Variants in AGBL1 observed in about 807,000 individuals in gnomAD.
The protein encoded by AGBL1 is AGBL carboxypeptidase 1, also known as cytosolic carboxypeptidase 4.
A neutral mutation model predicts 118.9 loss-of-function variants in AGBL1; 130 were observed. The ratio of observed to expected loss-of-function variants is 1.09; its 90% CI spans 0.95 to 1.26. The LOEUF is 1.26. Ranked by LOEUF, AGBL1 falls within the 50% of genes most tolerant of loss-of-function variation. The pLI, the probability that AGBL1 is intolerant of heterozygous loss-of-function variation, is 0.00. For synonymous variants in AGBL1, 555 were observed against 478.9 expected, an observed-to-expected ratio of 1.16 and a Z score of -2.08; for missense variants, 1,584 against 1,298.1, an observed-to-expected ratio of 1.22 and a Z score of -3.38.
At chr15:86,375,257 C>G (rs551771372) in intron 17 of AGBL1, among the ~76,000 whole-genome samples, 2 of 152,294 alleles carry the variant, frequency 1.3e-5, no homozygotes, top group East Asian at 3.9e-4. Flanking sequence ...GGCAAGGCCT[C>G]AGGACACTTA....
At chr15:86,817,539 A>T (rs1478847523) in intron 22 of AGBL1, among the ~76,000 whole-genome samples, 1 of 145,576 alleles carries the variant, frequency 6.9e-6, no homozygotes, top group Non-Finnish European at 1.5e-5. Flanking sequence ...ACACACACAC[A>T]CACACAGACA....
At chr15:86,124,222 C>A (rs1898267164) in intron 1 of AGBL1, among the ~76,000 whole-genome samples, 1 of 150,768 alleles carries the variant, frequency 6.6e-6, no homozygotes, top group African/African-American at 2.4e-5. Flanking sequence ...CCCAGCTACT[C>A]AGGAGGCTGA....
intron 17 of AGBL1, among the ~76,000 whole-genome samples, chr15:86,372,306 T>G (rs967238998): frequency 6.6e-6 from 1 of 152,172 alleles, no homozygotes; most frequent in African/African-American, 2.4e-5. Context: ...TTGTTTCCCC[T>G]TCTTTCCCTC....
chr15:86,748,798 A>T (rs1032397554), intron 22 of AGBL1, among the ~76,000 whole-genome samples: 7 of 151,784 alleles, frequency 4.6e-5, no homozygotes, highest in African/African-American at 1.4e-4. Context: ...TTTGTCAGGT[A>T]TGTCAAAGAT....
chr15:86,888,049 T>C (rs1003026561), intron 22 of AGBL1, among the ~76,000 whole-genome samples: 2 of 151,986 alleles, frequency 1.3e-5, no homozygotes, highest in Non-Finnish European at 2.9e-5. Flanking sequence ...ATGCCAAAGA[T>C]GAGAAAAAGG....
At chr15:86,335,893 C>T (rs2080360027) in intron 17 of AGBL1, among the ~76,000 whole-genome samples, 1 of 152,196 alleles carries the variant, frequency 6.6e-6, no homozygotes, top group East Asian at 1.9e-4. Context: ...GGTTACCTAC[C>T]TTCTCTGAAT....
At chr15:86,736,795 C>G (rs961455016) in intron 22 of AGBL1, among the ~76,000 whole-genome samples, 2 of 152,096 alleles carry the variant, frequency 1.3e-5, no homozygotes, top group African/African-American at 4.8e-5. Flanking sequence ...TTTAGACATG[C>G]TTATGAGGGT....
intron 23 of AGBL1, among the ~76,000 whole-genome samples, chr15:86,975,636 A>T (rs1423857743): frequency 6.6e-6 from 1 of 152,134 alleles, no homozygotes; most frequent in Non-Finnish European, 1.5e-5. Flanking sequence ...CTAAAGCACA[A>T]TGTTTCAGGC....
rs1054739077 is a variant in AGBL1 at position 86,912,340 on chromosome 15, G to A, written c.*5046G>A. On this transcript the variant is annotated 3_prime_UTR_variant, in exon 23 of 23. Coordinates refer to ENST00000614907, the MANE Select transcript of AGBL1 (RefSeq NM_001386094.1). ...ATAATGGAGGGGTGGCATCTCCAAG[G>A]GTTCCCAGGAGCTGCCACATTTACC... The A allele has an allele frequency of 2.0e-5, 3 of 152,220 alleles. No homozygotes were observed. The highest frequency in any genetic ancestry group is 7.2e-5 in the African/African-American group (3 of 41,510). 9.4% of individuals were successfully genotyped at this position (152,220 alleles called of 1,614,324 possible).
intron 17 of AGBL1, chr15:86,296,438 G>T (rs542368881): frequency 3.4e-5 from 5 of 147,994 alleles, no homozygotes; most frequent in African/African-American, 1.3e-4. Flanking sequence ...GCCTTCCCTG[G>T]TAAAGATACA....
At chr15:86,766,508 T>A (rs1328527298) in intron 22 of AGBL1, among the ~76,000 whole-genome samples, 1 of 151,930 alleles carries the variant, frequency 6.6e-6, no homozygotes, top group Non-Finnish European at 1.5e-5. Context: ...CGTTTTTATT[T>A]CATCCTAGGC....
At chr15:86,150,607 G>T (rs535300026) in intron 3 of AGBL1, among the ~76,000 whole-genome samples, 3 of 152,086 alleles carry the variant, frequency 2.0e-5, no homozygotes. Flanking sequence ...ACCAATAACA[G>T]GCTCTGAAAT....
chr15:86,131,849 C>T (rs970398741), intron 1 of AGBL1, among the ~76,000 whole-genome samples: 1 of 151,028 alleles, frequency 6.6e-6, no homozygotes, highest in African/African-American at 2.4e-5. Context: ...ACTCGGGAGG[C>T]TGAGGTAGGA....
intron 21 of AGBL1, among the ~76,000 whole-genome samples, chr15:86,598,390 T>C (rs1295522888): frequency 6.6e-6 from 1 of 152,100 alleles, no homozygotes; most frequent in Non-Finnish European, 1.5e-5. Flanking sequence ...GCTATGGAGA[T>C]TGACCTTAGT....
At chr15:86,671,822 C>T (rs1212192084) in intron 21 of AGBL1, among the ~76,000 whole-genome samples, 4 of 152,140 alleles carry the variant, frequency 2.6e-5, no homozygotes, top group Non-Finnish European at 5.9e-5. Context: ...CATTTAGAGT[C>T]GCTATTTACC....
At chr15:86,969,950 A>G (rs548334346) in intron 23 of AGBL1, among the ~76,000 whole-genome samples, 1 of 151,902 alleles carries the variant, frequency 6.6e-6, no homozygotes, top group Admixed American at 6.6e-5. Flanking sequence ...TTTCATGTTG[A>G]ATTTTCTCTA....
At chr15:86,986,319 CAT>C (rs1416783066) in intron 23 of AGBL1, among the ~76,000 whole-genome samples, 1 of 152,102 alleles carries the variant, frequency 6.6e-6, no homozygotes, top group African/African-American at 2.4e-5. Flanking sequence ...AATCAATTGA[CAT>C]GTGGGTATTT....
At chr15:86,250,010 A>G (rs983967600) in intron 7 of AGBL1, among the ~76,000 whole-genome samples, 1 of 152,236 alleles carries the variant, frequency 6.6e-6, no homozygotes, top group Non-Finnish European at 1.5e-5. Flanking sequence ...ATGTGAGTGC[A>G]CACAGAGTGT....
rs562459889 is a variant in AGBL1, at chr15:86,609,002, C to T, written c.2994+54465C>T. On this transcript the variant is annotated intron_variant, in intron 21 of 22. Coordinates refer to ENST00000614907, the MANE Select transcript of AGBL1 (RefSeq NM_001386094.1). ...CAAGGTGGCTATGTGGAATATGACA[C>T]GGGAAGCACACTTTGCATAATTTTA... Among the ~76,000 whole-genome samples the T allele has an allele frequency of 3.3e-5, 5 of 152,178 alleles. No homozygotes were observed. In the South Asian group the frequency reaches 6.2e-4, roughly 19 times the overall value.
Sources: allele counts gnomAD v4.1 joint callset (sites outside exome capture counted in the v4.1 genomes callset), GRCh38; gene constraint gnomAD v4.1.1; transcripts MANE v1.5; gene names NCBI Gene and HGNC (gene_info 2026-07-23, HGNC 2026-07-21).